FGF12: variants seen among roughly 807,000 people sequenced by gnomAD.
FGF12 encodes the protein fibroblast growth factor 12B.
Under a neutral mutation model 23.6 loss-of-function variants are expected in FGF12, and 14 were observed. The observed-to-expected ratio is 0.59, with a 90% CI of 0.39 to 0.93. The LOEUF (loss-of-function observed/expected upper bound fraction) is 0.93. Among genes scored for constraint, FGF12 ranks in the 40% least tolerant of loss-of-function variants. FGF12 has a pLI of 0.00. For missense variants in FGF12, 175 were observed against 217.8 expected, an observed-to-expected ratio of 0.80 and a Z score of 1.24; for synonymous variants, 62 against 77.3, an observed-to-expected ratio of 0.80 and a Z score of 1.04.
At chr3:192,273,700 C>T (rs1713594804) in intron 4 of FGF12, among the ~76,000 whole-genome samples, 2 of 152,138 alleles carry the variant, frequency 1.3e-5, no homozygotes, top group African/African-American at 4.8e-5. Context: ...CTGGGCGTGT[C>T]AAGGCTTCGG....
intron 2 of FGF12, among the ~76,000 whole-genome samples, chr3:192,567,793 C>CTTTCT (rs1553831695): frequency 0.038 from 4,902 of 129,738 alleles, 154 homozygotes; most frequent in Middle Eastern, 0.071. Context: ...TTCTTTCTTT[C>CTTTCT]TTTCTTTCTC....
At chr3:192,638,323 T>G (rs1489167237) in intron 2 of FGF12, among the ~76,000 whole-genome samples, 2 of 152,254 alleles carry the variant, frequency 1.3e-5, no homozygotes, top group Admixed American at 1.3e-4. Context: ...ATTAAGTTAC[T>G]AAATCACTTG....
Position 192,261,397 on chromosome 3 carries a change from A to T in FGF12, c.228+73964T>A, listed in dbSNP as rs77613994. Among the ~76,000 whole-genome samples the T allele has an allele frequency of 6.4e-3, 973 of 151,956 alleles. 8 individuals carry two copies. Among genetic ancestry groups the T allele is most frequent in the African/African-American group, 0.022 (918 of 41,250 alleles). ...CTAGGTAGTAAGAGACTCTAAGAGG[A>T]GCTAATGCTATACTTCCGTTTCCAA... On this transcript the variant is annotated intron_variant, in intron 4 of 5. Coordinates refer to ENST00000445105, the MANE Select transcript of FGF12 (RefSeq NM_004113.6).
chr3:192,523,565 A>G (rs966644291), intron 2 of FGF12, among the ~76,000 whole-genome samples: 2 of 152,210 alleles, frequency 1.3e-5, no homozygotes, highest in African/African-American at 4.8e-5. Context: ...CCCAAGTCTG[A>G]TAATAAAGAT....
chr3:192,617,030 G>A lies in FGF12; in HGVS notation c.13+110151C>T, dbSNP rs59900617. ...TAAAAGTATATTTTTTCATGGCTTC[G>A]GAAGACAAAAATTAGAAAATGAAGA... On this transcript the variant is annotated intron_variant, in intron 2 of 5. Coordinates refer to ENST00000445105, the MANE Select transcript of FGF12 (RefSeq NM_004113.6). Among the ~76,000 whole-genome samples the A allele has an allele frequency of 4.6e-3, 704 of 151,886 alleles. 4 individuals carry two copies. Among genetic ancestry groups the A allele is most frequent in the African/African-American group, 0.016 (677 of 41,460 alleles).
intron 2 of FGF12, among the ~76,000 whole-genome samples, chr3:192,549,917 T>C (rs1285445408): frequency 6.6e-6 from 1 of 152,146 alleles, no homozygotes. Flanking sequence ...ACACAACAGC[T>C]TTCTTAGGTC....
In FGF12 at chr3:192,618,076, G is replaced by A. The variant is rs151289380; in HGVS notation, c.13+109105C>T. Among the ~76,000 whole-genome samples the A allele has an allele frequency of 2.1e-3, 321 of 152,150 alleles. 2 individuals are homozygous for A. Among genetic ancestry groups the A allele is most frequent in the African/African-American group, 7.3e-3 (303 of 41,528 alleles). ...GCGTTAACTTGGAAGATAATAAATC[G>A]CTTGGAATGGAAGTATTCAAGATGA... is the stretch of plus-strand genomic sequence containing the variant. On this transcript the variant is annotated intron_variant, in intron 2 of 5. Coordinates refer to ENST00000445105, the MANE Select transcript of FGF12 (RefSeq NM_004113.6).
At chr3:192,205,447 A>G (rs988419819) in intron 4 of FGF12, among the ~76,000 whole-genome samples, 4 of 152,172 alleles carry the variant, frequency 2.6e-5, no homozygotes, top group African/African-American at 9.7e-5. Flanking sequence ...AGGACAATCA[A>G]TTCCCTTCCC....
chr3:192,212,786 T>TG (rs35232167), intron 4 of FGF12, among the ~76,000 whole-genome samples: 11,063 of 140,676 alleles, frequency 0.079, 420 homozygotes, highest in African/African-American at 0.12. Context: ...TTCACAAAAA[T>TG]GGGGGGGGGG....
intron 4 of FGF12, among the ~76,000 whole-genome samples, chr3:192,277,198 T>A (rs1713845121): frequency 6.6e-6 from 1 of 152,198 alleles, no homozygotes; most frequent in South Asian, 2.1e-4. Flanking sequence ...ATTGATAAAA[T>A]GATTCACTGC....
chr3:192,515,541 T>G (rs905136572), intron 2 of FGF12: 14 of 152,316 alleles, frequency 9.2e-5, no homozygotes, highest in Admixed American at 9.2e-4. Context: ...CGTCTCCCCG[T>G]CAATCTGGGT....
intron 2 of FGF12, among the ~76,000 whole-genome samples, chr3:192,458,383 G>A (rs1407592000): frequency 6.6e-6 from 1 of 152,212 alleles, no homozygotes; most frequent in African/African-American, 2.4e-5. Context: ...GAAGGGGACT[G>A]TACCCTGCAA....
intron 2 of FGF12, among the ~76,000 whole-genome samples, chr3:192,690,819 A>C (rs897714623): frequency 6.6e-5 from 10 of 152,018 alleles, no homozygotes; most frequent in Non-Finnish European, 1.5e-5. Context: ...GACTCATTTC[A>C]CCTTTAAGAA....
At chr3:192,377,369 T>C (rs1232705666) in intron 2 of FGF12, among the ~76,000 whole-genome samples, 1 of 152,220 alleles carries the variant, frequency 6.6e-6, no homozygotes, top group Non-Finnish European at 1.5e-5. Flanking sequence ...TCGATAAATA[T>C]AAATTCCCTC....
At chr3:192,335,307 C>G (rs1002740662) in intron 4 of FGF12, 54 bp downstream of exon 4, 14 of 1,155,896 alleles carry the variant, frequency 1.2e-5, no homozygotes, top group Non-Finnish European at 1.6e-5. Context: ...ACTCCATTAC[C>G]TCTCAGTGGT....
chr3:192,288,149 C>T (rs1714559070), intron 4 of FGF12, among the ~76,000 whole-genome samples: 1 of 152,000 alleles, frequency 6.6e-6, no homozygotes, highest in South Asian at 2.1e-4. Flanking sequence ...AGTTTTCAAG[C>T]GATGTGTGGG....
intron 2 of FGF12, among the ~76,000 whole-genome samples, chr3:192,581,924 C>T (rs560652705): frequency 9.8e-5 from 15 of 152,306 alleles, no homozygotes; most frequent in African/African-American, 3.6e-4. Context: ...GCCTTACTCT[C>T]TTCAGGGTAC....
intron 2 of FGF12, among the ~76,000 whole-genome samples, chr3:192,396,339 G>A (rs1439788211): frequency 2.0e-5 from 3 of 152,090 alleles, no homozygotes; most frequent in Non-Finnish European, 4.4e-5. Context: ...TACTCAATGG[G>A]TGTCTAGCAA....
At chr3:192,283,392 G>A (rs368531293) in intron 4 of FGF12, among the ~76,000 whole-genome samples, 1 of 152,020 alleles carries the variant, frequency 6.6e-6, no homozygotes, top group Admixed American at 6.6e-5. Flanking sequence ...ACATCAGAGA[G>A]GCAACTAAAC....
Sources: allele counts gnomAD v4.1 joint callset (sites outside exome capture counted in the v4.1 genomes callset), GRCh38; gene constraint gnomAD v4.1.1; transcripts MANE v1.5; gene names NCBI Gene and HGNC (gene_info 2026-07-23, HGNC 2026-07-21).